The following GLRB variants were observed in gnomAD, a reference collection of about 807,000 sequenced individuals.
The protein encoded by GLRB is glycine receptor subunit beta.
In GLRB, 33 loss-of-function variants were observed where a neutral mutation model predicts 54.2. That is an observed-to-expected ratio of 0.61 (90% CI 0.46 to 0.81). The LOEUF is 0.81. Among genes scored for constraint, GLRB ranks in the 40% least tolerant of loss-of-function variants. GLRB has a pLI of 0.00. For missense variants in GLRB, 572 were observed against 584.6 expected, an observed-to-expected ratio of 0.98 and a Z score of 0.22; for synonymous variants, 209 against 208.2, an observed-to-expected ratio of 1.00 and a Z score of -0.03.
At chr4:157,145,971 G>A (rs1475312828) in intron 8 of GLRB, among the ~76,000 whole-genome samples, 2 of 152,002 alleles carry the variant, frequency 1.3e-5, no homozygotes, top group African/African-American at 4.8e-5. Context: ...AAAGATAACA[G>A]CGATGAGGGG....
chr4:157,102,613 A>G (rs1735074129), intron 2 of GLRB, among the ~76,000 whole-genome samples: 1 of 152,200 alleles, frequency 6.6e-6, no homozygotes, highest in African/African-American at 2.4e-5. Context: ...TTTAAGAAGG[A>G]GATTACAATC....
At chr4:157,140,386 C>A (rs145436006) in intron 7 of GLRB, among the ~76,000 whole-genome samples, 15 of 151,978 alleles carry the variant, frequency 9.9e-5, no homozygotes, top group Non-Finnish European at 1.8e-4. Context: ...TTAAATGTCA[C>A]CAGGCAAATT....
chr4:157,135,484 A>G (rs917820426), intron 4 of GLRB, among the ~76,000 whole-genome samples: 5 of 152,166 alleles, frequency 3.3e-5, no homozygotes, highest in Admixed American at 6.5e-5. Context: ...TTCTTATGAC[A>G]GTGAATAAGC....
intron 2 of GLRB, among the ~76,000 whole-genome samples, chr4:157,086,263 G>A (rs1734409950): frequency 6.6e-6 from 1 of 152,116 alleles, no homozygotes. Context: ...GTCCCTCAGA[G>A]CTCATCTTAG....
intron 2 of GLRB, among the ~76,000 whole-genome samples, chr4:157,110,008 A>G (rs1735359817): frequency 6.6e-6 from 1 of 151,956 alleles, no homozygotes; most frequent in South Asian, 2.1e-4. Flanking sequence ...TCATAAAGCC[A>G]TGATTGATGA....
chr4:157,129,918 A>C (rs1181218454), intron 4 of GLRB, among the ~76,000 whole-genome samples: 3 of 151,746 alleles, frequency 2.0e-5, no homozygotes, highest in Non-Finnish European at 4.4e-5. Flanking sequence ...AGAGAAACCC[A>C]AACATGTTAC....
At chr4:157,090,057 T>C (rs1716204731) in intron 2 of GLRB, among the ~76,000 whole-genome samples, 1 of 152,170 alleles carries the variant, frequency 6.6e-6, no homozygotes, top group South Asian at 2.1e-4. Flanking sequence ...GAATCTGTTA[T>C]TGCAGTACTT....
intron 2 of GLRB, among the ~76,000 whole-genome samples, chr4:157,100,875 C>G (rs1260714995): frequency 6.6e-6 from 1 of 152,022 alleles, no homozygotes; most frequent in African/African-American, 2.4e-5. Flanking sequence ...TTTTTGGTGC[C>G]CACCCTGTGG....
At chr4:157,134,744 C>T (rs1736339074) in intron 4 of GLRB, among the ~76,000 whole-genome samples, 1 of 151,922 alleles carries the variant, frequency 6.6e-6, no homozygotes, top group Non-Finnish European at 1.5e-5. Context: ...ATCCCTATTT[C>T]AGAAAGAGTT....
At chr4:157,169,799 C>A (rs1737849488) in intron 9 of GLRB, among the ~76,000 whole-genome samples, 1 of 152,044 alleles carries the variant, frequency 6.6e-6, no homozygotes, top group Non-Finnish European at 1.5e-5. Context: ...TATGGTCTAT[C>A]TGAAGGATAC....
intron 9 of GLRB, among the ~76,000 whole-genome samples, chr4:157,157,717 A>T (rs55778561): frequency 0.015 from 2,264 of 152,134 alleles, 70 homozygotes; most frequent in African/African-American, 0.051. Flanking sequence ...TGTGTGCCAC[A>T]TTTTCTTAAT....
chr4:157,168,611 G>T (rs1428353641), intron 9 of GLRB, among the ~76,000 whole-genome samples: 1 of 152,082 alleles, frequency 6.6e-6, no homozygotes, highest in Non-Finnish European at 1.5e-5. Flanking sequence ...ACATGTTGGT[G>T]ATTTACATCT....
rs752111051 is a variant in GLRB at position 157,078,131 on chromosome 4, A to T, written c.107A>T (p.Gln36Leu). The stretch of plus-strand genomic sequence containing the variant: ...AAGAAAGGGAAGGGGAAAAAGAAGC[A>T]GTATCTATGCCCATCGTATGTTCTT... ...SSKKGKGKKK[Q>L]YLCPSQQSAE... is the part of the protein sequence containing the mutation. The change falls in exon 2 of 10, where the codon CAG becomes CTG. Residue 36 changes from glutamine (Q) to leucine (L), a missense_variant. Transcript: ENST00000264428. The T allele has an allele frequency of 6.2e-7, 1 of 1,612,394 alleles. No homozygotes were observed. Among genetic ancestry groups the T allele is most frequent in the African/African-American group, 1.3e-5 (1 of 75,022 alleles).
At chr4:157,136,779 T>A in intron 5 of GLRB, 25 bp from the exon 6 acceptor site, 1 of 1,553,342 alleles carries the variant, frequency 6.4e-7, no homozygotes. Flanking sequence ...ATTAAATTAT[T>A]TCTAAGACCC....
chr4:157,153,758 A>G (rs763238392), intron 9 of GLRB, among the ~76,000 whole-genome samples: 2 of 152,172 alleles, frequency 1.3e-5, no homozygotes, highest in Non-Finnish European at 2.9e-5. Flanking sequence ...GGACCAGTCA[A>G]CCAGAAGACC....
At chr4:157,085,776 C>T (rs966311219) in intron 2 of GLRB, among the ~76,000 whole-genome samples, 10 of 151,588 alleles carry the variant, frequency 6.6e-5, no homozygotes, top group Non-Finnish European at 1.5e-4. Flanking sequence ...GAATTACAGG[C>T]GTGAGCCACC....
At chr4:157,140,507 A>G (rs1028415762) in intron 7 of GLRB, among the ~76,000 whole-genome samples, 1 of 151,966 alleles carries the variant, frequency 6.6e-6, no homozygotes, top group African/African-American at 2.4e-5. Flanking sequence ...ACACGTACTT[A>G]GTAGATAGGT....
chr4:157,078,031 T>C lies in GLRB; in HGVS notation c.7T>C (p.Phe3Leu), dbSNP rs914595544. Reference sequence around the variant, plus strand: ...TGAAATTCAAGTTTTCAAGATGAAGTTTTTATTGACAACTGCCTTTTTAAT... The same window carrying C: ...TGAAATTCAAGTTTTCAAGATGAAGCTTTTATTGACAACTGCCTTTTTAAT... MK[F>L]LLTTAFLILI... Residue 3 changes from phenylalanine (F) to leucine (L), a missense_variant, in exon 2 of 10, where the codon TTT becomes CTT. By Grantham distance (22) the Phe-to-Leu change is conservative. Transcript: ENST00000264428. 6.2e-7 allele frequency: 1 copy of C among 1,610,188 alleles called. No individual in the cohort carries two copies. The highest frequency in any genetic ancestry group is 8.5e-7 in the Non-Finnish European group (1 of 1,177,084).
At chr4:157,087,787 C>CTTTTT (rs35300316) in intron 2 of GLRB, among the ~76,000 whole-genome samples, 1 of 148,978 alleles carries the variant, frequency 6.7e-6, no homozygotes. Flanking sequence ...GAAATGTATC[C>CTTTTT]TTTTTTTTTT....
Sources: allele counts gnomAD v4.1 joint callset (sites outside exome capture counted in the v4.1 genomes callset), GRCh38; gene constraint gnomAD v4.1.1; transcripts MANE v1.5; gene names NCBI Gene and HGNC (gene_info 2026-07-23, HGNC 2026-07-21).